Variants in TIAM2 observed in about 807,000 individuals in gnomAD.
TIAM2 encodes rho guanine nucleotide exchange factor TIAM2.
TIAM2 carries 80 observed loss-of-function variants against 152.9 expected under a neutral mutation model. The observed-to-expected ratio is 0.52, with a 90% CI of 0.44 to 0.63. TIAM2 has a LOEUF of 0.63. TIAM2 is among the 30% of genes least tolerant of loss of function. The pLI, the probability that TIAM2 is intolerant of heterozygous loss-of-function variation, is 0.00. For synonymous variants in TIAM2, 804 were observed against 838.0 expected (o/e 0.96, Z 0.70); for missense variants, 1,965 against 2,120.1 (o/e 0.93, Z 1.44).
At chr6:155,098,625 G>C (rs966109361) in intron 2 of TIAM2, among the ~76,000 whole-genome samples, 9 of 152,146 alleles carry the variant, frequency 5.9e-5, no homozygotes, top group Non-Finnish European at 1.3e-4. Context: ...GTGAACAAAG[G>C]CTACTTTGAA....
At chr6:155,119,990 C>G (rs919778902) in intron 2 of TIAM2, among the ~76,000 whole-genome samples, 1 of 152,226 alleles carries the variant, frequency 6.6e-6, no homozygotes, top group African/African-American at 2.4e-5. Flanking sequence ...CATAACCCAA[C>G]AATGGGCCAC....
chr6:155,159,388 G>T (rs1158277156), intron 7 of TIAM2, among the ~76,000 whole-genome samples: 1 of 152,202 alleles, frequency 6.6e-6, no homozygotes, highest in Non-Finnish European at 1.5e-5. Flanking sequence ...GAAGACCTGG[G>T]AATCAGGGGC....
At chr6:155,182,818 A>T (rs965997951) in intron 13 of TIAM2, among the ~76,000 whole-genome samples, 42 of 152,222 alleles carry the variant, frequency 2.8e-4, no homozygotes, top group African/African-American at 1.0e-3. Flanking sequence ...GCTGAGGCAC[A>T]AGAATCTCTT....
chr6:155,029,264 A>ATACACTATATGTACTATGTGTTATG lies in TIAM2; in HGVS notation c.-209+33796_-209+33797insGTACACTATATGTACTATGTGTTAT, dbSNP rs1562294915. Among the ~76,000 whole-genome samples, 2 of 110,688 alleles carry ATACACTATATGTACTATGTGTTATG rather than the reference A, an allele frequency of 1.8e-5. 1 individual carries two copies. Among genetic ancestry groups the ATACACTATATGTACTATGTGTTATG allele is most frequent in the Non-Finnish European group, 3.6e-5 (2 of 55,002 alleles). 72.6% of individuals were successfully genotyped at this position (110,688 alleles called of 152,430 possible). ...ATACACTATATGTACTATGTGTTAT[A>ATACACTATATGTACTATGTGTTATG]TACACTATATGTACTATGTGTTATA... On this transcript the variant is annotated intron_variant, in intron 1 of 26. Coordinates refer to ENST00000682666, the MANE Select transcript of TIAM2 (RefSeq NM_012454.4).
At chr6:155,157,239 G>T (rs567752768) in intron 7 of TIAM2, among the ~76,000 whole-genome samples, 33 of 152,130 alleles carry the variant, frequency 2.2e-4, no homozygotes, top group African/African-American at 7.5e-4. Flanking sequence ...AGTGTTCCAG[G>T]CCTTCCTGCT....
At position 155,153,683 on chromosome 6, in the gene TIAM2, G is replaced by A. The variant is rs1049613875; in HGVS notation, c.2028+5349G>A. On this transcript the variant is annotated intron_variant, in intron 7 of 26. Coordinates refer to ENST00000682666, the MANE Select transcript of TIAM2 (RefSeq NM_012454.4). ...GTCACCCAGGCTGGAGGGTAGTGGC[G>A]CAATCTCAGCTCACTGCAACCTCCA... 4.0e-5 allele frequency among the ~76,000 whole-genome samples: 6 copies of A among 148,794 alleles called. No individual in the cohort carries two copies. The South Asian group carries it at 8.6e-4, about 21-fold the overall frequency.
intron 4 of TIAM2, among the ~76,000 whole-genome samples, chr6:155,131,794 G>A (rs1024121803): frequency 8.6e-5 from 13 of 152,018 alleles, no homozygotes; most frequent in African/African-American, 2.9e-4. Flanking sequence ...GGCCAGGCTG[G>A]TCTGGAACTC....
chr6:155,194,673 A>G (rs555822975), intron 14 of TIAM2, among the ~76,000 whole-genome samples: 2 of 152,286 alleles, frequency 1.3e-5, no homozygotes, highest in East Asian at 3.9e-4. Context: ...CATTTGAACA[A>G]ATGAGTAGAG....
chr6:155,064,146 G>C (rs1048926650), intron 1 of TIAM2, among the ~76,000 whole-genome samples: 1 of 151,744 alleles, frequency 6.6e-6, no homozygotes, highest in Non-Finnish European at 1.5e-5. Flanking sequence ...GAGTTTTATT[G>C]ACAATCTACA....
At chr6:155,114,014 TTATATA>T (rs1212954021) in intron 2 of TIAM2, among the ~76,000 whole-genome samples, 5 of 58,852 alleles carry the variant, frequency 8.5e-5, no homozygotes, top group Non-Finnish European at 1.2e-4. Flanking sequence ...ATACTTTACT[TTATATA>T]TATATATATA....
chr6:155,062,722 G>A (rs1023471060), intron 1 of TIAM2, among the ~76,000 whole-genome samples: 1 of 151,816 alleles, frequency 6.6e-6, no homozygotes, highest in Admixed American at 6.6e-5. Context: ...GGGATTACAG[G>A]TACCCACCAT....
chr6:155,029,438 T>TA (rs1158692554), intron 1 of TIAM2, among the ~76,000 whole-genome samples: 7 of 32,178 alleles, frequency 2.2e-4, no homozygotes, highest in African/African-American at 5.5e-4. Flanking sequence ...ATAGTATATA[T>TA]TATACTATAG....
intron 26 of TIAM2, 72 bp from the exon 27 acceptor site, chr6:155,256,412 G>A (rs747780147): frequency 2.5e-6 from 4 of 1,599,506 alleles, no homozygotes; most frequent in African/African-American, 1.3e-5. Context: ...TCTTACACAA[G>A]CTTTGAGGCA....
intron 1 of TIAM2, among the ~76,000 whole-genome samples, chr6:155,078,922 C>T (rs1452015779): frequency 2.6e-5 from 4 of 152,076 alleles, no homozygotes; most frequent in Admixed American, 1.3e-4. Context: ...ACTTGATGAT[C>T]TTAGTGGTTA....
At chr6:155,139,721 C>T (rs925364277) in intron 5 of TIAM2, among the ~76,000 whole-genome samples, 1 of 152,102 alleles carries the variant, frequency 6.6e-6, no homozygotes, top group African/African-American at 2.4e-5. Context: ...GGGTGGATCT[C>T]CTGAGGTTAG....
intron 21 of TIAM2, 85 bp downstream of exon 21, chr6:155,250,054 G>T: frequency 1.1e-6 from 1 of 935,432 alleles, no homozygotes; most frequent in East Asian, 2.5e-5. Context: ...GCCCTGTTAG[G>T]ACTTTCCTGG....
intron 1 of TIAM2, among the ~76,000 whole-genome samples, chr6:155,016,860 A>G (rs1281619585): frequency 1.3e-5 from 2 of 152,240 alleles, no homozygotes; most frequent in African/African-American, 4.8e-5. Context: ...AGATCATGCC[A>G]CTGCACTCCA....
chr6:155,247,851 G>T, intron 19 of TIAM2, 149 bp from the exon 20 acceptor site: 1 of 989,520 alleles, frequency 1.0e-6, no homozygotes, highest in Non-Finnish European at 1.5e-6. Flanking sequence ...ACAGCTGGGT[G>T]CCTGACCCAC....
intron 23 of TIAM2, 28 bp from the exon 24 acceptor site, chr6:155,252,920 C>T: frequency 6.3e-7 from 1 of 1,597,966 alleles, no homozygotes; most frequent in Non-Finnish European, 8.6e-7. Flanking sequence ...TTCCCTAACA[C>T]TTTTCTTGGT....
Sources: gnomAD v4.1 joint callset for allele counts (sites outside exome capture counted in the v4.1 genomes callset) on GRCh38, gnomAD v4.1.1 for gene constraint, MANE v1.5 for transcripts, NCBI Gene and HGNC (gene_info 2026-07-23, HGNC 2026-07-21) for gene names.